RARB: variants seen among roughly 807,000 people sequenced by gnomAD.
RARB encodes the protein retinoic acid receptor beta.
A neutral mutation model predicts 51.9 loss-of-function variants in RARB; 17 were observed. The observed-to-expected ratio is 0.33, with a 90% CI of 0.22 to 0.49. The LOEUF is 0.49. RARB is among the 20% of genes least tolerant of loss of function. The probability of loss-of-function intolerance (pLI) is 0.99; values close to 1 mark genes in which losing one functional copy is unlikely to be tolerated. For missense variants in RARB, 369 were observed against 550.8 expected (o/e 0.67, Z 3.30); for synonymous variants, 215 against 195.4 (o/e 1.10, Z -0.84).
chr3:24,883,006 G>GC (rs1484498830), intron 2 of RARB, among the ~76,000 whole-genome samples: 2 of 152,108 alleles, frequency 1.3e-5, no homozygotes, highest in African/African-American at 4.8e-5. Flanking sequence ...CAAACTGCGT[G>GC]CAGCACTAAG....
chr3:24,971,819 A>C (rs1321214155), intron 2 of RARB, among the ~76,000 whole-genome samples: 1 of 151,954 alleles, frequency 6.6e-6, no homozygotes, highest in African/African-American at 2.4e-5. Context: ...GATTAAGCAA[A>C]ATTTTGTGAT....
At chr3:25,002,602 A>G (rs910293822) in intron 2 of RARB, among the ~76,000 whole-genome samples, 5 of 152,178 alleles carry the variant, frequency 3.3e-5, no homozygotes, top group Admixed American at 2.6e-4. Flanking sequence ...ACATATTAAG[A>G]ACCAGAAAGT....
intron 5 of RARB, among the ~76,000 whole-genome samples, chr3:25,410,080 A>T (rs914917411): frequency 6.6e-6 from 1 of 152,176 alleles, no homozygotes; most frequent in Non-Finnish European, 1.5e-5. Context: ...TAATCCGTTC[A>T]TCATTCCCTC....
At chr3:25,308,233 T>A (rs1299061383) in intron 5 of RARB, among the ~76,000 whole-genome samples, 2 of 152,194 alleles carry the variant, frequency 1.3e-5, no homozygotes, top group Admixed American at 6.5e-5. Context: ...TTGGGGAACT[T>A]TTTAAGTCTC....
At chr3:25,150,712 G>A (rs1346497661) in intron 4 of RARB, among the ~76,000 whole-genome samples, 1 of 152,142 alleles carries the variant, frequency 6.6e-6, no homozygotes, top group East Asian at 1.9e-4. Context: ...AGAATTCCAG[G>A]AGACCAGGAA....
intron 5 of RARB, among the ~76,000 whole-genome samples, chr3:25,199,910 G>A (rs1701347807): frequency 6.6e-6 from 1 of 152,130 alleles, no homozygotes; most frequent in African/African-American, 2.4e-5. Context: ...AAACATATGT[G>A]TGCATGTGTC....
chr3:25,377,987 C>T (rs1048100764), intron 5 of RARB, among the ~76,000 whole-genome samples: 4 of 152,126 alleles, frequency 2.6e-5, no homozygotes, highest in African/African-American at 9.7e-5. Context: ...ATTTGTTAGG[C>T]ACTTAGTAGA....
intron 3 of RARB, among the ~76,000 whole-genome samples, chr3:25,565,949 C>A (rs1021610601): frequency 8.5e-5 from 13 of 152,198 alleles, no homozygotes; most frequent in East Asian, 1.9e-4. Flanking sequence ...AGTTCCAGAT[C>A]TCCTGACTTC....
chr3:25,480,348 A>G (rs1387955411), intron 2 of RARB, among the ~76,000 whole-genome samples: 3 of 152,334 alleles, frequency 2.0e-5, no homozygotes, highest in Non-Finnish European at 1.5e-5. Context: ...TAACAGCTCT[A>G]TAAAGTAGTT....
intron 3 of RARB, 138 bp downstream of exon 3, chr3:25,501,461 A>G: frequency 9.4e-7 from 1 of 1,059,822 alleles, no homozygotes; most frequent in East Asian, 3.0e-5. Flanking sequence ...TGACATGAAA[A>G]TGGGGATTGA....
chr3:25,043,176 T>C (rs1698147732), intron 2 of RARB, among the ~76,000 whole-genome samples: 1 of 152,226 alleles, frequency 6.6e-6, no homozygotes, highest in African/African-American at 2.4e-5. Context: ...TAGTCATAAC[T>C]CATCAAAACC....
chr3:25,009,170 T>C (rs957809494), intron 2 of RARB, among the ~76,000 whole-genome samples: 2 of 152,142 alleles, frequency 1.3e-5, no homozygotes, highest in Admixed American at 1.3e-4. Flanking sequence ...ATTCTGGACA[T>C]TTCTGGCTAA....
At chr3:25,308,723 C>T (rs1415965582) in intron 5 of RARB, among the ~76,000 whole-genome samples, 12 of 152,182 alleles carry the variant, frequency 7.9e-5, no homozygotes, top group Non-Finnish European at 1.5e-5. Context: ...GCTGGGATTA[C>T]AGGCATTAGC....
At chr3:25,450,778 A>T (rs1709157348) in intron 1 of RARB, among the ~76,000 whole-genome samples, 1 of 152,034 alleles carries the variant, frequency 6.6e-6, no homozygotes, top group Non-Finnish European at 1.5e-5. Flanking sequence ...GAGAGACAAA[A>T]TGGTGCTGGC....
chr3:25,065,663 G>T (rs915784693), intron 3 of RARB, among the ~76,000 whole-genome samples: 1 of 152,202 alleles, frequency 6.6e-6, no homozygotes, highest in East Asian at 1.9e-4. Context: ...GAGACTAAAA[G>T]TTCTTCAAAT....
At chr3:25,102,751 T>C (rs1392138525) in intron 3 of RARB, among the ~76,000 whole-genome samples, 1 of 151,994 alleles carries the variant, frequency 6.6e-6, no homozygotes, top group Admixed American at 6.6e-5. Context: ...GCCGTGAGTT[T>C]GTATAAAGAA....
At chr3:25,060,228 C>G (rs1328811509) in intron 3 of RARB, 1 of 151,692 alleles carries the variant, frequency 6.6e-6, no homozygotes, top group African/African-American at 2.4e-5. Context: ...TTTTGAAAAA[C>G]ATGGAAGTTC....
intron 2 of RARB, among the ~76,000 whole-genome samples, chr3:24,860,963 T>C (rs1389660949): frequency 6.6e-6 from 1 of 152,196 alleles, no homozygotes; most frequent in Non-Finnish European, 1.5e-5. Flanking sequence ...TTCGTATATT[T>C]TGTGAAACTC....
chr3:25,435,478 T>C (rs1296700543), intron 1 of RARB, among the ~76,000 whole-genome samples: 8 of 152,194 alleles, frequency 5.3e-5, no homozygotes, highest in Non-Finnish European at 7.3e-5. Context: ...AAAAGGCCGA[T>C]GATCTGAAGG....
Sources: gnomAD v4.1 joint callset for allele counts (sites outside exome capture counted in the v4.1 genomes callset) on GRCh38, gnomAD v4.1.1 for gene constraint, MANE v1.5 for transcripts, NCBI Gene and HGNC (gene_info 2026-07-23, HGNC 2026-07-21) for gene names.